ASIC2: variants seen among roughly 807,000 people sequenced by gnomAD.
The protein encoded by ASIC2 is acid sensing ion channel subunit 2.
A neutral mutation model predicts 57.3 loss-of-function variants in ASIC2; 25 were observed. The observed-to-expected ratio is 0.44, with a 90% CI of 0.32 to 0.61. ASIC2 has a LOEUF of 0.61. Ranked by LOEUF, ASIC2 falls within the 20% of genes least tolerant of loss-of-function variation. ASIC2 has a pLI of 0.06. For missense variants in ASIC2, 641 were observed against 738.1 expected, an observed-to-expected ratio of 0.87 and a Z score of 1.52; for synonymous variants, 319 against 307.5, an observed-to-expected ratio of 1.04 and a Z score of -0.39.
At chr17:33,582,030 C>T (rs1300532333) in intron 1 of ASIC2, among the ~76,000 whole-genome samples, 1 of 152,172 alleles carries the variant, frequency 6.6e-6, no homozygotes, top group African/African-American at 2.4e-5. Flanking sequence ...CACCAATTGT[C>T]CTTAAGTTCC....
intron 1 of ASIC2, among the ~76,000 whole-genome samples, chr17:33,198,606 T>A (rs1457896537): frequency 6.6e-6 from 1 of 152,260 alleles, no homozygotes; most frequent in East Asian, 1.9e-4. Flanking sequence ...CCTGGCATAC[T>A]GTTACCTTTT....
intron 1 of ASIC2, among the ~76,000 whole-genome samples, chr17:33,363,063 T>C (rs908407591): frequency 3.9e-5 from 6 of 152,232 alleles, no homozygotes; most frequent in Non-Finnish European, 4.4e-5. Context: ...TTGCCTAATA[T>C]ATGGGCCCCA....
At chr17:33,891,180 G>A (rs541127517) in intron 1 of ASIC2, among the ~76,000 whole-genome samples, 2 of 152,294 alleles carry the variant, frequency 1.3e-5, no homozygotes, top group African/African-American at 4.8e-5. Flanking sequence ...TAGTCCCAGT[G>A]GGGAACATGA....
rs187332366 is a variant in ASIC2 at position 33,758,863 on chromosome 17, T to A, written c.555+397115A>T. Among the ~76,000 whole-genome samples, 452 of 149,376 alleles carry A rather than the reference T, an allele frequency of 3.0e-3. 1 individual carries two copies. Among genetic ancestry groups the A allele is most frequent in the Non-Finnish European group, 5.0e-3 (337 of 67,676 alleles). ...GTAAAACATAAATTCCTTTTCTTTA[T>A]AAATTACCCAGTTTCAAGTATTCTG... On this transcript the variant is annotated intron_variant, in intron 1 of 9. Transcript: ENST00000359872.
chr17:33,579,776 A>G (rs186643202), intron 1 of ASIC2, among the ~76,000 whole-genome samples: 329 of 152,276 alleles, frequency 2.2e-3, no homozygotes, highest in Middle Eastern at 6.8e-3. Flanking sequence ...AGAAGAGCAA[A>G]AGAACAAACT....
intron 1 of ASIC2, among the ~76,000 whole-genome samples, chr17:33,468,568 T>C (rs1321763414): frequency 6.6e-6 from 1 of 152,148 alleles, no homozygotes; most frequent in Non-Finnish European, 1.5e-5. Flanking sequence ...TGATACTTTT[T>C]TTCCAGGATG....
chr17:33,824,124 T>G (rs1424263542), intron 1 of ASIC2, among the ~76,000 whole-genome samples: 1 of 151,986 alleles, frequency 6.6e-6, no homozygotes, highest in Non-Finnish European at 1.5e-5. Flanking sequence ...AGAGGAGCAA[T>G]GGGGATGGGC....
chr17:33,088,729 G>A (rs1432539751), intron 3 of ASIC2, 134 bp downstream of exon 3: 59 of 1,303,314 alleles, frequency 4.5e-5, no homozygotes, highest in Non-Finnish European at 5.7e-5. Context: ...TGGTGACGAA[G>A]GTTAGCCAAC....
At chr17:33,124,505 G>A (rs748644311) in intron 1 of ASIC2, among the ~76,000 whole-genome samples, 40 of 152,292 alleles carry the variant, frequency 2.6e-4, no homozygotes, top group South Asian at 1.0e-3. Context: ...CTTTGGAGTT[G>A]GCAAGTTAGA....
At chr17:34,099,086 C>T in intron 1 of ASIC2, among the ~76,000 whole-genome samples, 1 of 101,728 alleles carries the variant, frequency 9.8e-6, no homozygotes. Context: ...AGAGCAGCAG[C>T]TACATTAAGA....
At chr17:34,059,682 G>T (rs1008723554) in intron 1 of ASIC2, among the ~76,000 whole-genome samples, 1 of 152,156 alleles carries the variant, frequency 6.6e-6, no homozygotes, top group Non-Finnish European at 1.5e-5. Context: ...CCAGCCCTTT[G>T]GTTGGCATAG....
At chr17:33,725,920 A>C (rs1049255506) in intron 1 of ASIC2, among the ~76,000 whole-genome samples, 1 of 152,164 alleles carries the variant, frequency 6.6e-6, no homozygotes, top group Non-Finnish European at 1.5e-5. Flanking sequence ...TTCCTGGTCC[A>C]GGAGCCGACT....
intron 1 of ASIC2, among the ~76,000 whole-genome samples, chr17:33,749,351 C>A (rs1255168624): frequency 6.6e-6 from 1 of 151,746 alleles, no homozygotes; most frequent in Non-Finnish European, 1.5e-5. Context: ...GGGAGGAGAG[C>A]GGCGAGGCGT....
At chr17:33,373,279 A>G (rs1014614768) in intron 1 of ASIC2, among the ~76,000 whole-genome samples, 8 of 152,236 alleles carry the variant, frequency 5.3e-5, no homozygotes, top group Non-Finnish European at 8.8e-5. Context: ...CCTTTGCAAA[A>G]TTATGACAGT....
At chr17:33,259,822 C>A (rs1246746763) in intron 1 of ASIC2, among the ~76,000 whole-genome samples, 4 of 152,170 alleles carry the variant, frequency 2.6e-5, no homozygotes, top group African/African-American at 9.7e-5. Context: ...CTCACAGATG[C>A]TGGGCTCTAA....
rs141169220 is a variant in ASIC2, at chr17:34,104,047, G to A, written c.555+51931C>T. ...TCGAGCTATGGATCGCTGTGGGAAG[G>A]TTTGACATCCTAACAATATTGAATT... is the stretch of plus-strand genomic sequence containing the variant. On this transcript the variant is annotated intron_variant, in intron 1 of 9. Coordinates refer to the ASIC2 transcript ENST00000359872. Among the ~76,000 whole-genome samples, 535 of 152,184 alleles carry A rather than the reference G, an allele frequency of 3.5e-3. 4 individuals carry two copies. The highest frequency in any genetic ancestry group is 0.012 in the African/African-American group (518 of 41,534).
intron 1 of ASIC2, chr17:33,980,736 T>G (rs1905584570): frequency 6.6e-6 from 1 of 152,198 alleles, no homozygotes; most frequent in Non-Finnish European, 1.5e-5. Flanking sequence ...GATCATGCCT[T>G]CTTTACAGGG....
chr17:33,915,997 C>T (rs1030782315), intron 1 of ASIC2, among the ~76,000 whole-genome samples: 2 of 152,146 alleles, frequency 1.3e-5, no homozygotes, highest in Non-Finnish European at 2.9e-5. Context: ...AAAGAGGATA[C>T]CACAGGGTGT....
chr17:33,690,743 G>GT (rs527881591), intron 1 of ASIC2, among the ~76,000 whole-genome samples: 3,878 of 81,710 alleles, frequency 0.047, 237 homozygotes, highest in Non-Finnish European at 0.061. Context: ...ACTCTTCATT[G>GT]TTTTTTTTTT....
Sources: gnomAD v4.1 joint callset for allele counts (sites outside exome capture counted in the v4.1 genomes callset) on GRCh38, gnomAD v4.1.1 for gene constraint, MANE v1.5 for transcripts, NCBI Gene and HGNC (gene_info 2026-07-23, HGNC 2026-07-21) for gene names.